MLLT3: variants seen among roughly 807,000 people sequenced by gnomAD.
MLLT3 encodes the protein MLLT3 super elongation complex subunit.
Under a neutral mutation model 53.2 loss-of-function variants are expected in MLLT3, and 4 were observed. The observed-to-expected ratio is 0.08, with a 90% confidence interval of 0.04 to 0.17. The LOEUF (loss-of-function observed/expected upper bound fraction) is 0.17. Ranked by LOEUF, MLLT3 falls within the 10% of genes least tolerant of loss-of-function variation. The probability of loss-of-function intolerance (pLI) is 1.00; values close to 1 mark genes in which losing one functional copy is unlikely to be tolerated. For synonymous variants in MLLT3, 283 were observed against 230.6 expected (o/e 1.23, Z -2.06); for missense variants, 569 against 684.0 (o/e 0.83, Z 1.87).
At chr9:20,454,475 T>G (rs1823911919) in intron 3 of MLLT3, among the ~76,000 whole-genome samples, 1 of 152,222 alleles carries the variant, frequency 6.6e-6, no homozygotes, top group Non-Finnish European at 1.5e-5. Flanking sequence ...AGAAGATACT[T>G]CATTGCATCA....
At chr9:20,531,760 A>AT (rs918702960) in intron 2 of MLLT3, among the ~76,000 whole-genome samples, 20 of 152,198 alleles carry the variant, frequency 1.3e-4, no homozygotes, top group African/African-American at 4.8e-4. Flanking sequence ...CAAGACAGTA[A>AT]TTTTTTTAAA....
intron 2 of MLLT3, among the ~76,000 whole-genome samples, chr9:20,493,300 T>A (rs529679391): frequency 1.3e-5 from 2 of 152,088 alleles, no homozygotes; most frequent in South Asian, 4.1e-4. Context: ...AAAAAATAAG[T>A]TTCCAGCCTT....
chr9:20,571,981 A>T (rs1376896611), intron 2 of MLLT3, among the ~76,000 whole-genome samples: 1 of 152,230 alleles, frequency 6.6e-6, no homozygotes, highest in African/African-American at 2.4e-5. Context: ...TCCTCAAAAC[A>T]TTAAAAATAA....
intron 2 of MLLT3, among the ~76,000 whole-genome samples, chr9:20,465,775 T>C (rs1005054571): frequency 6.6e-6 from 1 of 152,156 alleles, no homozygotes; most frequent in Non-Finnish European, 1.5e-5. Flanking sequence ...GCATGGCATT[T>C]GGCATAGTGG....
At chr9:20,536,350 G>C (rs1301529490) in intron 2 of MLLT3, among the ~76,000 whole-genome samples, 4 of 152,038 alleles carry the variant, frequency 2.6e-5, no homozygotes, top group Non-Finnish European at 4.4e-5. Context: ...GGTTTTGGCA[G>C]GGCACACAGT....
chr9:20,381,093 TTC>T (rs1023426272), intron 5 of MLLT3, among the ~76,000 whole-genome samples: 9 of 151,988 alleles, frequency 5.9e-5, no homozygotes, highest in African/African-American at 1.9e-4. Flanking sequence ...TATGATCAGC[TTC>T]TGTTTTCTCT....
chr9:20,365,780 T>C (rs1368067977), intron 5 of MLLT3, 36 bp from the exon 6 acceptor site: 2 of 1,606,770 alleles, frequency 1.2e-6, no homozygotes, highest in African/African-American at 2.7e-5. Flanking sequence ...ATCAATAAAT[T>C]TACGGGATAC....
intron 2 of MLLT3, among the ~76,000 whole-genome samples, chr9:20,478,054 G>C (rs1824569422): frequency 6.6e-6 from 1 of 152,066 alleles, no homozygotes; most frequent in Non-Finnish European, 1.5e-5. Flanking sequence ...AAGCCACCTT[G>C]AAATAACAAG....
chr9:20,594,017 T>C (rs2131189479), intron 2 of MLLT3, among the ~76,000 whole-genome samples: 1 of 150,774 alleles, frequency 6.6e-6, no homozygotes, highest in East Asian at 2.0e-4. Flanking sequence ...CTCGGCTCAC[T>C]GCAACATCCG....
At chr9:20,350,787 G>A (rs1032754334) in intron 10 of MLLT3, among the ~76,000 whole-genome samples, 3 of 152,022 alleles carry the variant, frequency 2.0e-5, no homozygotes, top group Non-Finnish European at 4.4e-5. Flanking sequence ...TTTTAAACAG[G>A]GTAAGATCCA....
At chr9:20,546,459 C>G (rs941232541) in intron 2 of MLLT3, among the ~76,000 whole-genome samples, 38 of 151,546 alleles carry the variant, frequency 2.5e-4, no homozygotes, top group African/African-American at 9.0e-4. Flanking sequence ...AGGAGGATTG[C>G]TTAAGCCCAA....
intron 2 of MLLT3, among the ~76,000 whole-genome samples, chr9:20,489,329 G>C (rs1026492343): frequency 4.6e-5 from 7 of 152,124 alleles, no homozygotes; most frequent in Non-Finnish European, 8.8e-5. Context: ...AATGTCATTA[G>C]AAGGTCTAAC....
At chr9:20,532,827 G>T in intron 2 of MLLT3, 1 of 259,216 alleles carries the variant, frequency 3.9e-6, no homozygotes, top group East Asian at 9.5e-5. Flanking sequence ...CCATTAAACA[G>T]CTACTCAGCT....
rs565761089 is a variant in MLLT3 at position 20,445,075 on chromosome 9, A to G, written c.420+3048T>C. Among the ~76,000 whole-genome samples the G allele has an allele frequency of 1.0e-3, 153 of 152,084 alleles. 1 individual carries two copies. The highest frequency in any genetic ancestry group is 2.5e-3 in the South Asian group (12 of 4,802). On this transcript the variant is annotated intron_variant, in intron 4 of 10. Transcript: ENST00000380338. ...CACTGCACTCCAGCCTGGGCAACAG[A>G]GTGAGACTCCATCTCAATTAAAAAA...
intron 2 of MLLT3, among the ~76,000 whole-genome samples, chr9:20,598,390 C>G (rs1297499274): frequency 1.3e-5 from 2 of 152,188 alleles, no homozygotes; most frequent in African/African-American, 4.8e-5. Context: ...ATATGAGTCT[C>G]TGAGGGCAGA....
intron 2 of MLLT3, among the ~76,000 whole-genome samples, chr9:20,533,513 T>C (rs573736487): frequency 1.3e-5 from 2 of 152,170 alleles, no homozygotes; most frequent in Non-Finnish European, 2.9e-5. Context: ...CCTCAAAAAA[T>C]TAAAAATAGA....
Position 20,452,097 on chromosome 9 carries a change from G to A in MLLT3, c.277-3831C>T, listed in dbSNP as rs961801763. ...ACCAAGGACAGGATATCTTTAATAC[G>A]TGGAATTAAGACTCTTCCATCATTA... On this transcript the variant is annotated intron_variant, in intron 3 of 10. Transcript: ENST00000380338. Among the ~76,000 whole-genome samples the A allele has an allele frequency of 5.3e-5, 8 of 152,142 alleles. No individual in the cohort carries two copies. The East Asian group carries it at 5.8e-4, about 11-fold the overall frequency.
At chr9:20,360,880 C>T in intron 7 of MLLT3, 39 bp from the exon 8 acceptor site, 12 of 1,534,230 alleles carry the variant, frequency 7.8e-6, no homozygotes, top group Non-Finnish European at 1.1e-5. Context: ...TCATTACAAA[C>T]AGATGATTCT....
intron 2 of MLLT3, among the ~76,000 whole-genome samples, chr9:20,472,725 T>C (rs990771940): frequency 2.0e-5 from 3 of 152,056 alleles, no homozygotes; most frequent in African/African-American, 7.2e-5. Context: ...CTAATACAAA[T>C]ACCAAGCAAA....
Sources: allele counts gnomAD v4.1 joint callset (sites outside exome capture counted in the v4.1 genomes callset), GRCh38; gene constraint gnomAD v4.1.1; transcripts MANE v1.5; gene names NCBI Gene and HGNC (gene_info 2026-07-23, HGNC 2026-07-21).